AGAP1: variants seen among roughly 807,000 people sequenced by gnomAD.
AGAP1 encodes ArfGAP with GTPase domain, ankyrin repeat and PH domain 1, also known as arf-GAP with GTPase, ANK repeat and PH domain-containing protein 1.
A neutral mutation model predicts 105.3 loss-of-function variants in AGAP1; 29 were observed. The ratio of observed to expected loss-of-function variants is 0.28; its 90% confidence interval spans 0.21 to 0.38. AGAP1 has a LOEUF of 0.38. Ranked by LOEUF, AGAP1 falls within the 10% of genes least tolerant of loss-of-function variation. The pLI is 1.00. For missense variants in AGAP1, 998 were observed against 1,165.1 expected (o/e 0.86, Z 2.09); for synonymous variants, 509 against 485.9 (o/e 1.05, Z -0.63).
rs900594255 is a variant in AGAP1 at position 235,596,928 on chromosome 2, G to A, written c.163+102079G>A. Among the ~76,000 whole-genome samples the A allele has an allele frequency of 6.6e-6, 1 of 152,140 alleles. No individual in the cohort carries two copies. Among genetic ancestry groups the A allele is most frequent in the African/African-American group, 2.4e-5 (1 of 41,440 alleles). On this transcript the variant is annotated intron_variant, in intron 1 of 17. Coordinates refer to ENST00000304032, the MANE Select transcript of AGAP1 (RefSeq NM_001037131.3). The surrounding 1 kb of genome is among the most constrained non-coding windows in gnomAD (Gnocchi z 5.9). ...TCTGTACCCTATGAGGACATCATGA[G>A]GAGATATGGCTTCTGCAGGAAGAGG...
At chr2:235,880,083 CTTTT>C (rs35633339) in intron 9 of AGAP1, among the ~76,000 whole-genome samples, 2 of 138,888 alleles carry the variant, frequency 1.4e-5, no homozygotes, top group African/African-American at 2.6e-5. Context: ...GCACTCTGGC[CTTTT>C]TTTTTTTTTT....
rs369420807 is a variant in AGAP1, at chr2:235,578,896, C to A, written c.163+84047C>A. ...CAAAATTTTACCTTTGTCTACCTAT[C>A]TGCCTGTCCCTCTAGCTGTCAGTCA... On this transcript the variant is annotated intron_variant, in intron 1 of 17. Transcript: ENST00000304032. This position sits in a 1 kb window ranked among gnomAD's most constrained non-coding sequence, Gnocchi z 4.9. 4.6e-5 allele frequency among the ~76,000 whole-genome samples: 7 copies of A among 151,912 alleles called. No homozygotes were observed. Among genetic ancestry groups the A allele is most frequent in the African/African-American group, 1.7e-4 (7 of 41,388 alleles).
intron 1 of AGAP1, among the ~76,000 whole-genome samples, chr2:235,537,535 G>A (rs1943279799): frequency 6.6e-6 from 1 of 152,214 alleles, no homozygotes; most frequent in Non-Finnish European, 1.5e-5. Flanking sequence ...ATGCACTTGT[G>A]TTCATGTCTT....
Position 235,586,023 on chromosome 2 carries a change from A to G in AGAP1, c.163+91174A>G, listed in dbSNP as rs1945097260. On this transcript the variant is annotated intron_variant, in intron 1 of 17. Coordinates refer to ENST00000304032, the MANE Select transcript of AGAP1 (RefSeq NM_001037131.3). The surrounding 1 kb of genome is among the most constrained non-coding windows in gnomAD (Gnocchi z 4.2). ...AAGTGTATTTAGGCAGGTTCTGGCA[A>G]CAGACTTGGTGTTGGGCTTGAGTGG... 6.6e-6 allele frequency among the ~76,000 whole-genome samples: 1 copy of G among 152,192 alleles called. No individual in the cohort carries two copies. Among genetic ancestry groups the G allele is most frequent in the Non-Finnish European group, 1.5e-5 (1 of 68,032 alleles).
chr2:236,124,406 A>C lies in AGAP1; in HGVS notation c.*284A>C. ...GGCCTCGGCCCTTTGATGATAGCAC[A>C]TGGCGCAGGACCCTTGTCCTGGTGG... On this transcript the variant is annotated 3_prime_UTR_variant, in exon 18 of 18. Transcript: ENST00000304032. The surrounding 1 kb of genome is among the most constrained non-coding windows in gnomAD (Gnocchi z 5.1). 6 of 474,684 alleles carry C rather than the reference A, an allele frequency of 1.3e-5. No individual in the cohort carries two copies. Among genetic ancestry groups the C allele is most frequent in the South Asian group, 2.2e-5 (1 of 46,246 alleles). 29.4% of individuals were successfully genotyped at this position (474,684 alleles called of 1,614,324 possible).
rs1456040193 is a variant in AGAP1 at position 235,633,225 on chromosome 2, G to T, written c.164-75954G>T. The stretch of plus-strand genomic sequence containing the variant: ...GGAGCCTACGGAATGAAGACCCGAA[G>T]ATTCAGGGGAGGTCGTCTGTGTGCC... On this transcript the variant is annotated intron_variant, in intron 1 of 17. Coordinates refer to ENST00000304032, the MANE Select transcript of AGAP1 (RefSeq NM_001037131.3). The surrounding 1 kb of genome is among the most constrained non-coding windows in gnomAD (Gnocchi z 4.8). 6.6e-6 allele frequency among the ~76,000 whole-genome samples: 1 copy of T among 152,162 alleles called. No individual in the cohort carries two copies. The highest frequency in any genetic ancestry group is 1.5e-5 in the Non-Finnish European group (1 of 68,030).
intron 1 of AGAP1, among the ~76,000 whole-genome samples, chr2:235,562,366 G>A (rs751319069): frequency 8.5e-5 from 13 of 152,078 alleles, no homozygotes; most frequent in Non-Finnish European, 1.3e-4. Flanking sequence ...TGGCACTAAC[G>A]GTGGGGAGAG....
chr2:235,805,926 G>A (rs192050668), intron 8 of AGAP1, among the ~76,000 whole-genome samples: 1 of 152,320 alleles, frequency 6.6e-6, no homozygotes, highest in African/African-American at 2.4e-5. Context: ...ATCACCATCT[G>A]AGAAGCATGT....
intron 14 of AGAP1, among the ~76,000 whole-genome samples, chr2:236,037,632 T>G (rs2057422541): frequency 6.6e-6 from 1 of 152,148 alleles, no homozygotes; most frequent in South Asian, 2.1e-4. Flanking sequence ...GGTCTCAAAC[T>G]CTTGGGCTCA....
intron 1 of AGAP1, among the ~76,000 whole-genome samples, chr2:235,534,658 C>T (rs1943151898): frequency 6.6e-6 from 1 of 152,062 alleles, no homozygotes; most frequent in Non-Finnish European, 1.5e-5. Flanking sequence ...TAATATATGC[C>T]CAGTGCAAAT....
chr2:235,791,145 T>G (rs778574725), intron 6 of AGAP1, among the ~76,000 whole-genome samples: 33 of 152,270 alleles, frequency 2.2e-4, no homozygotes, highest in Non-Finnish European at 4.1e-4. Flanking sequence ...CTTTAACATT[T>G]AACTTTGAGA....
In AGAP1 at chr2:235,867,846, C is replaced by A. The variant is rs1157022165; in HGVS notation, c.1051-15499C>A. ...AGCTTGTATGACCCGTGTGCTTCTCCAGTTTCCAATGATGACATTCCATCC... is the reference window on the plus strand; with the variant it reads ...AGCTTGTATGACCCGTGTGCTTCTCAAGTTTCCAATGATGACATTCCATCC... On this transcript the variant is annotated intron_variant, in intron 9 of 17. Coordinates refer to ENST00000304032, the MANE Select transcript of AGAP1 (RefSeq NM_001037131.3). The surrounding 1 kb of genome is among the most constrained non-coding windows in gnomAD (Gnocchi z 5.4). Among the ~76,000 whole-genome samples, 1 of 152,100 alleles carries A rather than the reference C, an allele frequency of 6.6e-6. No homozygotes were observed. Among genetic ancestry groups the A allele is most frequent in the Non-Finnish European group, 1.5e-5 (1 of 68,002 alleles).
chr2:235,525,044 A>ACGGTTAGTACATGAGGCAGG (rs1375066123), intron 1 of AGAP1, among the ~76,000 whole-genome samples: 4 of 152,220 alleles, frequency 2.6e-5, no homozygotes, highest in Non-Finnish European at 1.5e-5. Flanking sequence ...TAAATTTCTT[A>ACGGTTAGTACATGAGGCAGG]CGGTTAGTAC....
chr2:235,895,982 T>C (rs1278215820), intron 10 of AGAP1, among the ~76,000 whole-genome samples: 2 of 152,228 alleles, frequency 1.3e-5, no homozygotes, highest in African/African-American at 4.8e-5. Flanking sequence ...ATACAACATT[T>C]GCCACCTTAA....
rs1016065778 is a variant in AGAP1 at position 236,105,005 on chromosome 2, A to C, written c.2115-15187A>C. Among the ~76,000 whole-genome samples, 2 of 151,588 alleles carry C rather than the reference A, an allele frequency of 1.3e-5. No individual in the cohort carries two copies. The highest frequency in any genetic ancestry group is 2.9e-5 in the Non-Finnish European group (2 of 67,970). ...CCATAGCTCTGACTGGATTTCACCA[A>C]CTCCACTCTGGCAGGTTAGCATCAG... On this transcript the variant is annotated intron_variant, in intron 16 of 17. Transcript: ENST00000304032. This position sits in a 1 kb window ranked among gnomAD's most constrained non-coding sequence, Gnocchi z 4.2.
At chr2:235,629,269 TGTGTGTG>T (rs1274733794) in intron 1 of AGAP1, among the ~76,000 whole-genome samples, 425 of 2,212 alleles carry the variant, frequency 0.19, 5 homozygotes, top group African/African-American at 0.37. Flanking sequence ...TAGTAGTCAT[TGTGTGTG>T]TGTGTGTGTG....
chr2:235,576,741 A>G (rs1944745888), intron 1 of AGAP1, among the ~76,000 whole-genome samples: 1 of 152,188 alleles, frequency 6.6e-6, no homozygotes, highest in South Asian at 2.1e-4. Context: ...TGCTGCTGGG[A>G]GCATCATTAG....
chr2:235,955,028 C>G (rs1205841903), intron 12 of AGAP1, among the ~76,000 whole-genome samples: 7 of 152,046 alleles, frequency 4.6e-5, no homozygotes, highest in Non-Finnish European at 1.0e-4. Context: ...TCTTAGTTGA[C>G]CAAGATGGAG....
chr2:235,521,200 T>G (rs1161416626), intron 1 of AGAP1, among the ~76,000 whole-genome samples: 2 of 152,222 alleles, frequency 1.3e-5, no homozygotes, highest in African/African-American at 4.8e-5. Context: ...TATCTCACTT[T>G]CGGTGATAAA....
Sources: allele counts gnomAD v4.1 joint callset (sites outside exome capture counted in the v4.1 genomes callset), GRCh38; gene constraint gnomAD v4.1.1; non-coding constraint Gnocchi (gnomAD v3.1); transcripts MANE v1.5; gene names NCBI Gene and HGNC (gene_info 2026-07-23, HGNC 2026-07-21).